The following ADGRD1 variants were observed in gnomAD, a reference collection of about 807,000 sequenced individuals.
ADGRD1 encodes the protein adhesion G protein-coupled receptor D1.
A neutral mutation model predicts 113.4 loss-of-function variants in ADGRD1; 77 were observed. The observed-to-expected ratio is 0.68, with a 90% CI of 0.57 to 0.82. The LOEUF (loss-of-function observed/expected upper bound fraction) is 0.82. Among genes scored for constraint, ADGRD1 ranks in the 40% least tolerant of loss-of-function variants. The probability of loss-of-function intolerance (pLI) is 0.00; values close to 1 mark genes in which losing one functional copy is unlikely to be tolerated. For missense variants in ADGRD1, 1,036 were observed against 1,139.1 expected (o/e 0.91, Z 1.30); for synonymous variants, 474 against 475.0 (o/e 1.00, Z 0.03).
chr12:131,001,780 G>A (rs1399555866), intron 9 of ADGRD1, among the ~76,000 whole-genome samples: 1 of 152,082 alleles, frequency 6.6e-6, no homozygotes, highest in African/African-American at 2.4e-5. Context: ...AGGGTGAGGA[G>A]GACTCTTAAC....
chr12:130,957,257 A>G (rs1565978981), intron 2 of ADGRD1: 1 of 152,324 alleles, frequency 6.6e-6, no homozygotes, highest in African/African-American at 2.4e-5. Flanking sequence ...GACTACACAC[A>G]TCCACATGCA....
At chr12:131,044,607 C>G (rs1882484857) in intron 13 of ADGRD1, among the ~76,000 whole-genome samples, 1 of 152,192 alleles carries the variant, frequency 6.6e-6, no homozygotes, top group South Asian at 2.1e-4. Flanking sequence ...TCCTTTTCAC[C>G]ACGATTCCCA....
At chr12:131,105,027 T>C in intron 16 of ADGRD1, 93 bp downstream of exon 16, 1 of 889,862 alleles carries the variant, frequency 1.1e-6, no homozygotes, top group Non-Finnish European at 1.7e-6. Flanking sequence ...GGGGAGGGGC[T>C]GTGGAGGTAA....
Position 131,003,329 on chromosome 12 carries a change from A to C in ADGRD1, c.1144+27A>C. 1 of 1,498,060 alleles carries C rather than the reference A, an allele frequency of 6.7e-7. No homozygotes were observed. 92.8% of individuals were successfully genotyped at this position (1,498,060 alleles called of 1,614,324 possible). On this transcript the variant is annotated intron_variant, in intron 10 of 24. Coordinates refer to ENST00000261654, the MANE Select transcript of ADGRD1 (RefSeq NM_198827.5). The surrounding 1 kb of genome is among the most constrained non-coding windows in gnomAD (Gnocchi z 4.8). ...TAGCTGTCGCTTGTAAGGGTGAGCC[A>C]CATGGCAGGGGCGGGGGCTGGAGGC...
In ADGRD1 at chr12:131,003,288, C is replaced by T. The variant is rs770468941; in HGVS notation, c.1130C>T (p.Ser377Phe). 3.1e-6 allele frequency: 5 copies of T among 1,612,564 alleles called. No homozygotes were observed. In the East Asian group the frequency reaches 6.7e-5, roughly 22 times the overall value. ...ACGCCCCAGGTCACCGTGGAGGGCT[C>T]CTCTGCCATGGCAGGTAGCTGTCGC... Reference protein sequence around the residue: ...GSTPQVTVEGSSAMAEFSVAK... With the variant: ...GSTPQVTVEGFSAMAEFSVAK... The change falls in exon 10 of 25, where the codon TCC becomes TTC. Residue 377 changes from serine (S) to phenylalanine (F), a missense_variant. Transcript: ENST00000261654. The surrounding 1 kb of genome is among the most constrained non-coding windows in gnomAD (Gnocchi z 4.8).
At position 131,041,272 on chromosome 12, in the gene ADGRD1, G is replaced by A. The variant is rs531702298; in HGVS notation, c.1473+26932G>A. ...TCTTGGATGATCTTGTGGAGCCGGAGGGTGTGGGTGGGGGATGTGGGTGCA... is the reference window on the plus strand; with the variant it reads ...TCTTGGATGATCTTGTGGAGCCGGAAGGTGTGGGTGGGGGATGTGGGTGCA... On this transcript the variant is annotated intron_variant, in intron 13 of 24. Transcript: ENST00000261654. This position sits in a 1 kb window ranked among gnomAD's most constrained non-coding sequence, Gnocchi z 4.4. Among the ~76,000 whole-genome samples, 1 of 152,310 alleles carries A rather than the reference G, an allele frequency of 6.6e-6. No homozygotes were observed. Among genetic ancestry groups the A allele is most frequent in the Non-Finnish European group, 1.5e-5 (1 of 68,034 alleles).
intron 24 of ADGRD1, 29 bp downstream of exon 24, chr12:131,138,258 C>A (rs1233097237): frequency 1.3e-6 from 2 of 1,579,414 alleles, no homozygotes; most frequent in African/African-American, 1.3e-5. Context: ...AACCGAGGGT[C>A]CCAGCCCATC....
chr12:131,003,364 C>A lies in ADGRD1; in HGVS notation c.1144+62C>A. 3 of 1,132,782 alleles carry A rather than the reference C, an allele frequency of 2.6e-6. No individual in the cohort carries two copies. In the South Asian group the frequency reaches 3.7e-5, roughly 14 times the overall value. The allele number at this position is 1,132,782 out of a possible 1,614,324, so 70.2% of individuals were successfully genotyped here. A position where few individuals can be genotyped will look rare whatever the true frequency, so the allele number is the denominator to read the frequency against. On this transcript the variant is annotated intron_variant, in intron 10 of 24. Coordinates refer to ENST00000261654, the MANE Select transcript of ADGRD1 (RefSeq NM_198827.5). The surrounding 1 kb of genome is among the most constrained non-coding windows in gnomAD (Gnocchi z 4.8). ...GGCGGGGGCTGGAGGCTGCGTTTCA[C>A]TGCCTGTCTTTTTACACCCTTAGCA...
intron 13 of ADGRD1, among the ~76,000 whole-genome samples, chr12:131,038,396 G>A (rs2136969714): frequency 6.6e-6 from 1 of 152,330 alleles, no homozygotes; most frequent in African/African-American, 2.4e-5. Context: ...CCTCCGGGTT[G>A]TTAGGCATCC....
At position 131,108,776 on chromosome 12, in the gene ADGRD1, T is replaced by TA; in HGVS notation, c.1940_1941insA (p.Phe647LeufsTer308). ...CTACACTACTTCTTCCTGAGTGCCTTCGCATGGATGCTGGTGGAGGGGCTG... is the reference window on the plus strand; with the variant it reads ...CTACACTACTTCTTCCTGAGTGCCTTACGCATGGATGCTGGTGGAGGGGCTG... On this transcript the variant is annotated frameshift_variant, in exon 18 of 25. Coordinates refer to ENST00000261654, the MANE Select transcript of ADGRD1 (RefSeq NM_198827.5). LOFTEE classifies it high-confidence loss of function. The TA allele has an allele frequency of 6.2e-7, 1 of 1,614,068 alleles. No homozygotes were observed. The highest frequency in any genetic ancestry group is 8.5e-7 in the Non-Finnish European group (1 of 1,180,012).
intron 15 of ADGRD1, among the ~76,000 whole-genome samples, chr12:131,097,166 T>C (rs1887347282): frequency 6.6e-6 from 1 of 152,174 alleles, no homozygotes; most frequent in South Asian, 2.1e-4. Context: ...TTTGAAAGGC[T>C]GGAGTGGTTT....
chr12:130,997,105 C>G lies in ADGRD1; in HGVS notation c.967-3278C>G, dbSNP rs1237384989. Among the ~76,000 whole-genome samples, 2 of 134,634 alleles carry G rather than the reference C, an allele frequency of 1.5e-5. 1 individual carries two copies. The highest frequency in any genetic ancestry group is 1.4e-4 in the Admixed American group (2 of 14,260). 88.3% of individuals were successfully genotyped at this position (134,634 alleles called of 152,430 possible). ...GCGGCCGGGCAGAGGCACCCCTCAC[C>G]TCCTGGACGGGGCGGCTGGCCGGGC... On this transcript the variant is annotated intron_variant, in intron 8 of 24. Transcript: ENST00000261654.
chr12:131,002,440 T>C (rs4759824), intron 9 of ADGRD1: 268,913 of 848,712 alleles, frequency 0.32, 43,204 homozygotes, highest in African/African-American at 0.34. Flanking sequence ...ATGAGGCTCT[T>C]CTGAAGTGCG....
intron 13 of ADGRD1, among the ~76,000 whole-genome samples, chr12:131,053,422 G>T (rs1380098273): frequency 6.6e-6 from 1 of 152,240 alleles, no homozygotes; most frequent in African/African-American, 2.4e-5. Flanking sequence ...TCAGGAAAAT[G>T]TGTATCTTTT....
chr12:131,088,925 A>T lies in ADGRD1; in HGVS notation c.1671+4262A>T, dbSNP rs549382421. Among the ~76,000 whole-genome samples the T allele has an allele frequency of 1.2e-4, 18 of 152,240 alleles. No homozygotes were observed. The South Asian group carries it at 3.3e-3, about 28-fold the overall frequency. On this transcript the variant is annotated intron_variant, in intron 15 of 24. Coordinates refer to ENST00000261654, the MANE Select transcript of ADGRD1 (RefSeq NM_198827.5). Reference sequence around the variant, plus strand: ...ACCAGACGCCTGGGGTCTTGTGAAGATGCAGACCCCACATTCAGGGGGTCT... The same window carrying T: ...ACCAGACGCCTGGGGTCTTGTGAAGTTGCAGACCCCACATTCAGGGGGTCT...
At chr12:131,123,102 G>A (rs1057367502) in intron 20 of ADGRD1, among the ~76,000 whole-genome samples, 3 of 123,004 alleles carry the variant, frequency 2.4e-5, no homozygotes, top group African/African-American at 3.2e-5. Context: ...TGTCGCCCAG[G>A]CTGGAGTGCA....
In ADGRD1 at chr12:131,140,977, A is replaced by T. The variant is rs551406985; in HGVS notation, c.*1714A>T. 1 of 152,374 alleles carries T rather than the reference A, an allele frequency of 6.6e-6. No individual in the cohort carries two copies. The highest frequency in any genetic ancestry group is 2.4e-5 in the African/African-American group (1 of 41,584). The allele number at this position is 152,374 out of a possible 1,614,324, so 9.4% of individuals were successfully genotyped here. A position where few individuals can be genotyped will look rare whatever the true frequency, so the allele number is the denominator to read the frequency against. ...AGAGTCCCATGTTTAGTATGGACTA[A>T]AGTCCCATGTTTAGCCACTGCCCCA... On this transcript the variant is annotated 3_prime_UTR_variant, in exon 25 of 25. Coordinates refer to ENST00000261654, the MANE Select transcript of ADGRD1 (RefSeq NM_198827.5).
Position 131,022,773 on chromosome 12 carries a change from G to A in ADGRD1, c.1473+8433G>A, listed in dbSNP as rs1879466925. On this transcript the variant is annotated intron_variant, in intron 13 of 24. Coordinates refer to ENST00000261654, the MANE Select transcript of ADGRD1 (RefSeq NM_198827.5). The surrounding 1 kb of genome is among the most constrained non-coding windows in gnomAD (Gnocchi z 4.6). ...TTGGAGAATGGCGTTTAGAAAGCAG[G>A]ATTAGGGACAGGCGTGCTCATTTCT... The A allele has an allele frequency of 6.6e-6, 1 of 151,848 alleles. No individual in the cohort carries two copies. Among genetic ancestry groups the A allele is most frequent in the African/African-American group, 2.4e-5 (1 of 41,322 alleles). 9.4% of individuals were successfully genotyped at this position (151,848 alleles called of 1,614,324 possible).
Position 131,033,148 on chromosome 12 carries a change from G to T in ADGRD1, c.1473+18808G>T, listed in dbSNP as rs536139540. ...TGGGTCTCCTGCATGCCCACCCTCCGTGTGCAGACCAGGCTGGCCCTGCCC... is the reference window on the plus strand; with the variant it reads ...TGGGTCTCCTGCATGCCCACCCTCCTTGTGCAGACCAGGCTGGCCCTGCCC... On this transcript the variant is annotated intron_variant, in intron 13 of 24. Transcript: ENST00000261654. Among the ~76,000 whole-genome samples, 16 of 152,318 alleles carry T rather than the reference G, an allele frequency of 1.1e-4. No homozygotes were observed. In the East Asian group the frequency reaches 2.7e-3, roughly 26 times the overall value.
Sources: gnomAD v4.1 joint callset for allele counts (sites outside exome capture counted in the v4.1 genomes callset) on GRCh38, gnomAD v4.1.1 for gene constraint, Gnocchi (gnomAD v3.1) non-coding constraint, MANE v1.5 for transcripts, NCBI Gene and HGNC (gene_info 2026-07-23, HGNC 2026-07-21) for gene names.